STAB2: variants seen among roughly 807,000 people sequenced by gnomAD.
STAB2 encodes the protein stabilin-2.
Under a neutral mutation model 338.1 loss-of-function variants are expected in STAB2, and 288 were observed. That is an observed-to-expected ratio of 0.85 (90% CI 0.77 to 0.94). The LOEUF (loss-of-function observed/expected upper bound fraction) is 0.94. STAB2 is among the 40% of genes least tolerant of loss of function. The pLI is 0.00. For missense variants in STAB2, 3,141 were observed against 3,210.1 expected, an observed-to-expected ratio of 0.98 and a Z score of 0.52; for synonymous variants, 1,202 against 1,193.3, an observed-to-expected ratio of 1.01 and a Z score of -0.15.
chr12:103,611,536 G>C (rs193132872), intron 3 of STAB2, among the ~76,000 whole-genome samples: 1,552 of 152,098 alleles, frequency 0.01, 10 homozygotes, highest in Non-Finnish European at 0.013. Context: ...TTTTCCATTT[G>C]CTTGGTAGAT....
In STAB2 at chr12:103,690,648, A is replaced by G. The variant is rs1593240461; in HGVS notation, c.3297+110A>G. On this transcript the variant is annotated intron_variant, in intron 30 of 68. Transcript: ENST00000388887. ...CTTCCAAACATGCGCAAAACTACAG[A>G]GAACAGAATCCCTCATGTGGGCATC... The G allele has an allele frequency of 1.4e-5, 12 of 866,454 alleles. No individual in the cohort carries two copies. In the East Asian group the frequency reaches 2.1e-4, roughly 15 times the overall value. 53.7% of individuals were successfully genotyped at this position (866,454 alleles called of 1,614,324 possible).
At position 103,640,172 on chromosome 12, in the gene STAB2, G is replaced by T; in HGVS notation, c.956G>T (p.Gly319Val). 1 of 1,613,432 alleles carries T rather than the reference G, an allele frequency of 6.2e-7. No individual in the cohort carries two copies. The highest frequency in any genetic ancestry group is 8.5e-7 in the Non-Finnish European group (1 of 1,179,578). Reference protein sequence around the residue: ...EHYQNFVPGVGCSMTDICKSD... With the variant: ...EHYQNFVPGVVCSMTDICKSD... ...TACCAGAATTTCGTACCTGGAGTGG[G>T]GTGCAGTATGACTGATATATGTAAA... is the stretch of plus-strand genomic sequence containing the variant. Residue 319 changes from glycine (G) to valine (V), a missense_variant, in exon 9 of 69, where the codon GGG (glycine) becomes GTG (valine). Physicochemically the swap from Gly to Val is moderately radical, Grantham distance 109 (BLOSUM62 -3). Coordinates refer to ENST00000388887, the MANE Select transcript of STAB2 (RefSeq NM_017564.10).
At position 103,670,756 on chromosome 12, in the gene STAB2, C is replaced by T. The variant is rs1193276064; in HGVS notation, c.2320C>T (p.Gln774Ter). 6.2e-7 allele frequency: 1 copy of T among 1,614,146 alleles called. No individual in the cohort carries two copies. The highest frequency in any genetic ancestry group is 1.3e-5 in the African/African-American group (1 of 75,058). Residue 774 changes from glutamine to a stop codon, truncating the protein, a stop_gained, in exon 22 of 69, where the codon CAG becomes TAG. Coordinates refer to ENST00000388887, the MANE Select transcript of STAB2 (RefSeq NM_017564.10). LOFTEE classifies it high-confidence loss of function. Reference protein sequence around the residue: ...CICEEGFQGSQCQFCSDPNKY... With the variant: ...CICEEGFQGS ...TTGTGAGGAGGGCTTCCAAGGCTCC[C>T]AGTGTCAGTTCTGCTCTGATCCCAA...
intron 30 of STAB2, 80 bp downstream of exon 30, chr12:103,690,618 G>T: frequency 7.8e-7 from 1 of 1,275,690 alleles, no homozygotes. Flanking sequence ...TTCATGTTAT[G>T]GGAACTTCCA....
chr12:103,718,816 AC>A (rs2139032127), intron 44 of STAB2, among the ~76,000 whole-genome samples: 1 of 151,980 alleles, frequency 6.6e-6, no homozygotes, highest in South Asian at 2.1e-4. Context: ...GATCCACATG[AC>A]TCTAGGGTTT....
At chr12:103,675,290 G>A (rs964355603) in intron 23 of STAB2, among the ~76,000 whole-genome samples, 30 of 152,154 alleles carry the variant, frequency 2.0e-4, no homozygotes, top group Non-Finnish European at 7.3e-5. Context: ...GGAACATTTT[G>A]AGAGGAGCGT....
chr12:103,634,268 A>T (rs1283920783), intron 6 of STAB2, among the ~76,000 whole-genome samples: 1 of 152,244 alleles, frequency 6.6e-6, no homozygotes, highest in Admixed American at 6.5e-5. Flanking sequence ...AAACACAGAG[A>T]TACATCTGTC....
intron 61 of STAB2, among the ~76,000 whole-genome samples, chr12:103,754,404 T>A (rs1178745155): frequency 6.6e-6 from 1 of 152,148 alleles, no homozygotes; most frequent in Non-Finnish European, 1.5e-5. Context: ...TTTGAGCAAG[T>A]TACTTCTCTT....
chr12:103,738,834 T>C (rs377568025), intron 53 of STAB2, among the ~76,000 whole-genome samples: 6 of 152,340 alleles, frequency 3.9e-5, no homozygotes, highest in African/African-American at 1.4e-4. Context: ...TAATAGCATA[T>C]GCCTGTAAGA....
chr12:103,701,823 C>A (rs1194390195), intron 34 of STAB2, among the ~76,000 whole-genome samples: 1 of 151,966 alleles, frequency 6.6e-6, no homozygotes, highest in Admixed American at 6.6e-5. Flanking sequence ...TCATAAGGGA[C>A]TTTAACATTC....
At chr12:103,708,636 C>T in intron 39 of STAB2, 100 bp downstream of exon 39, 1 of 1,069,142 alleles carries the variant, frequency 9.4e-7, no homozygotes, top group Non-Finnish European at 1.4e-6. Context: ...TTTTTTACTT[C>T]TTCTGGCAAT....
rs1879856419 is a variant in STAB2, at chr12:103,711,520, G to A, written c.4334+4G>A. ...GGACATGCCATACCAGCGCCAAGTA[G>A]GTAGCCCTGGGCCACCTCTGGGGAC... is the stretch of plus-strand genomic sequence containing the variant. On this transcript the variant is annotated splice_donor_region_variant and intron_variant, in intron 40 of 68. Transcript: ENST00000388887. 6.2e-7 allele frequency: 1 copy of A among 1,614,052 alleles called. No individual in the cohort carries two copies. Among genetic ancestry groups the A allele is most frequent in the Non-Finnish European group, 8.5e-7 (1 of 1,180,014 alleles).
chr12:103,666,461 G>A, intron 19 of STAB2, 108 bp downstream of exon 19: 2 of 1,189,770 alleles, frequency 1.7e-6, no homozygotes, highest in Non-Finnish European at 2.5e-6. Flanking sequence ...TGCAGCTGGG[G>A]TAATATAAGA....
chr12:103,615,027 C>T lies in STAB2; in HGVS notation c.332-5441C>T, dbSNP rs116526914. Among the ~76,000 whole-genome samples the T allele has an allele frequency of 7.4e-3, 1,125 of 152,284 alleles. 21 individuals carry two copies. Among genetic ancestry groups the T allele is most frequent in the African/African-American group, 0.026 (1,084 of 41,556 alleles). On this transcript the variant is annotated intron_variant, in intron 3 of 68. Transcript: ENST00000388887. ...TCAGCCCATTCTCAGCTTGCCAAAC[C>T]GTACACTCTAGTGTGGGCCTGGTAT... is the stretch of plus-strand genomic sequence containing the variant.
At chr12:103,753,462 G>A (rs1311393060) in intron 61 of STAB2, 109 bp downstream of exon 61, 2 of 1,459,218 alleles carry the variant, frequency 1.4e-6, no homozygotes, top group African/African-American at 1.4e-5. Context: ...GCAAGGGAGT[G>A]CAGGTAGCTC....
chr12:103,722,790 G>GGA (rs1304449820), intron 44 of STAB2, among the ~76,000 whole-genome samples: 8 of 152,154 alleles, frequency 5.3e-5, no homozygotes, highest in African/African-American at 1.9e-4. Flanking sequence ...TTTGTGCTGG[G>GGA]GAGTATGATC....
rs770033773 is a variant in STAB2, at chr12:103,706,864, T to C, written c.4069T>C (p.Phe1357Leu). Residue 1357 changes from phenylalanine (F) to leucine (L), a missense_variant, in exon 38 of 69, where the codon TTT becomes CTT. Coordinates refer to ENST00000388887, the MANE Select transcript of STAB2 (RefSeq NM_017564.10). ...PCPGNAQNVC[F>L]GNGICLDGVN... ...CCCAGGGAATGCCCAGAATGTCTGC[T>C]TTGGTAATGGCATCTGTTTGGATGG... The C allele has an allele frequency of 1.1e-5, 17 of 1,614,090 alleles. No individual in the cohort carries two copies. The highest frequency in any genetic ancestry group is 3.3e-5 in the South Asian group (3 of 91,084).
chr12:103,729,063 C>T (rs1881434089), intron 48 of STAB2, 68 bp downstream of exon 48: 7 of 1,502,598 alleles, frequency 4.7e-6, no homozygotes, highest in East Asian at 2.3e-5. Context: ...CTGGATGGAG[C>T]TGGAGGCCAT....
rs1957375884 is a variant in STAB2, at chr12:103,626,022, T to C, written c.487+3911T>C. Among the ~76,000 whole-genome samples, 3 of 151,788 alleles carry C rather than the reference T, an allele frequency of 2.0e-5. No homozygotes were observed. In the South Asian group the frequency reaches 6.2e-4, roughly 31 times the overall value. On this transcript the variant is annotated intron_variant, in intron 5 of 68. Coordinates refer to ENST00000388887, the MANE Select transcript of STAB2 (RefSeq NM_017564.10). Reference sequence around the variant, plus strand: ...TCTCCACATCCTCTCCAGCACCTGTTGTTTCCTGACTTTTTAATGATCGCC... The same window carrying C: ...TCTCCACATCCTCTCCAGCACCTGTCGTTTCCTGACTTTTTAATGATCGCC...
Sources: allele counts gnomAD v4.1 joint callset (sites outside exome capture counted in the v4.1 genomes callset), GRCh38; gene constraint gnomAD v4.1.1; transcripts MANE v1.5; gene names NCBI Gene and HGNC (gene_info 2026-07-23, HGNC 2026-07-21).